EYS: variants seen among roughly 807,000 people sequenced by gnomAD.
The protein encoded by EYS is protein eyes shut homolog.
A neutral mutation model predicts 282.1 loss-of-function variants in EYS; 250 were observed. The ratio of observed to expected loss-of-function variants is 0.89; its 90% CI spans 0.80 to 0.98. The LOEUF (loss-of-function observed/expected upper bound fraction) is 0.98. EYS is among the 50% of genes least tolerant of loss of function. The pLI is 0.00. For synonymous variants in EYS, 1,355 were observed against 1,282.9 expected, an observed-to-expected ratio of 1.06 and a Z score of -1.20; for missense variants, 4,016 against 3,709.0, an observed-to-expected ratio of 1.08 and a Z score of -2.15.
intron 12 of EYS, among the ~76,000 whole-genome samples, chr6:65,091,778 A>G (rs1188417359): frequency 6.6e-6 from 1 of 152,082 alleles, no homozygotes; most frequent in African/African-American, 2.4e-5. Flanking sequence ...CCCATGCACT[A>G]CATAATTACA....
At chr6:64,374,245 G>A (rs1360482656) in intron 29 of EYS, among the ~76,000 whole-genome samples, 3 of 150,094 alleles carry the variant, frequency 2.0e-5, no homozygotes, top group Non-Finnish European at 3.0e-5. Flanking sequence ...AGGGCCTGGG[G>A]GTTGGAGCAA....
At position 64,639,196 on chromosome 6, in the gene EYS, A is replaced by G. The variant is rs150200274; in HGVS notation, c.3444-12951T>C. Among the ~76,000 whole-genome samples the G allele has an allele frequency of 4.5e-5, 4 of 89,484 alleles. 1 individual carries two copies. The highest frequency in any genetic ancestry group is 3.6e-4 in the Admixed American group (3 of 8,358). 58.7% of individuals were successfully genotyped at this position (89,484 alleles called of 152,430 possible). A position where few individuals can be genotyped will look rare whatever the true frequency, so the allele number is the denominator to read the frequency against. Reference sequence around the variant, plus strand: ...TTTATAAGGACACCAGCCATGTTAGATTGAGGCCCACCTTCATGACCTCAT... The same window carrying G: ...TTTATAAGGACACCAGCCATGTTAGGTTGAGGCCCACCTTCATGACCTCAT... On this transcript the variant is annotated intron_variant, in intron 22 of 42. Transcript: ENST00000503581.
intron 15 of EYS, among the ~76,000 whole-genome samples, chr6:64,921,090 T>TA (rs1384700388): frequency 2.0e-5 from 3 of 152,156 alleles, no homozygotes; most frequent in African/African-American, 7.2e-5. Flanking sequence ...GGCATTATAA[T>TA]AAATGCTATA....
At chr6:63,820,198 T>A (rs1310480942) in intron 36 of EYS, among the ~76,000 whole-genome samples, 2 of 152,236 alleles carry the variant, frequency 1.3e-5, no homozygotes, top group Non-Finnish European at 2.9e-5. Flanking sequence ...TTTGTCCAGT[T>A]ATTACTTTAA....
intron 12 of EYS, among the ~76,000 whole-genome samples, chr6:65,134,560 C>T (rs566078805): frequency 3.3e-5 from 5 of 151,938 alleles, no homozygotes; most frequent in Non-Finnish European, 5.9e-5. Context: ...AACTCTTGGC[C>T]GCAAAGAGGA....
chr6:64,377,183 C>G (rs11965990), intron 29 of EYS, among the ~76,000 whole-genome samples: 1 of 151,920 alleles, frequency 6.6e-6, no homozygotes. Flanking sequence ...CAGCTCTTAT[C>G]TCATTGAAAA....
chr6:65,394,891 C>T (rs1272501911), intron 7 of EYS, among the ~76,000 whole-genome samples: 1 of 152,138 alleles, frequency 6.6e-6, no homozygotes, highest in Non-Finnish European at 1.5e-5. Flanking sequence ...CATGTCCCGT[C>T]CTCTTCCTTA....
At chr6:64,098,428 T>C (rs1772708579) in intron 31 of EYS, among the ~76,000 whole-genome samples, 1 of 152,112 alleles carries the variant, frequency 6.6e-6, no homozygotes, top group African/African-American at 2.4e-5. Context: ...CTGCATTTGT[T>C]ATTTACATAA....
chr6:63,990,793 A>G (rs1767570235), intron 34 of EYS, among the ~76,000 whole-genome samples: 1 of 151,500 alleles, frequency 6.6e-6, no homozygotes, highest in Non-Finnish European at 1.5e-5. Flanking sequence ...CTTACTCTCA[A>G]TATCTGGGGA....
At chr6:64,018,768 T>TTTG (rs1769022529) in intron 33 of EYS, among the ~76,000 whole-genome samples, 1 of 113,700 alleles carries the variant, frequency 8.8e-6, no homozygotes, top group African/African-American at 3.8e-5. Context: ...TGTTTTTTTT[T>TTTG]TTTTTTTTTT....
At chr6:64,642,040 A>G (rs992634715) in intron 22 of EYS, among the ~76,000 whole-genome samples, 42 of 152,214 alleles carry the variant, frequency 2.8e-4, no homozygotes, top group Non-Finnish European at 1.8e-4. Flanking sequence ...GTCCACAAAA[A>G]GAACAATGTA....
At chr6:64,114,990 T>C (rs77311748) in intron 31 of EYS, among the ~76,000 whole-genome samples, 7,958 of 152,170 alleles carry the variant, frequency 0.052, 638 homozygotes, top group African/African-American at 0.17. Flanking sequence ...GCCTTGATCA[T>C]TGGAGCCACT....
chr6:65,279,949 T>C (rs1203296437), intron 12 of EYS, among the ~76,000 whole-genome samples: 2 of 152,192 alleles, frequency 1.3e-5, no homozygotes, highest in South Asian at 4.1e-4. Context: ...AATCTCTGAA[T>C]AATGAATACC....
At chr6:63,753,128 A>ATG (rs1168159191) in intron 41 of EYS, among the ~76,000 whole-genome samples, 1,170 of 96,138 alleles carry the variant, frequency 0.012, 13 homozygotes, top group Non-Finnish European at 0.016. Context: ...ATGTGTGTGT[A>ATG]TGTGTGTGTG....
chr6:64,094,364 G>A (rs1772499911), intron 31 of EYS, among the ~76,000 whole-genome samples: 1 of 152,062 alleles, frequency 6.6e-6, no homozygotes, highest in Non-Finnish European at 1.5e-5. Flanking sequence ...GGTAGAATTT[G>A]GCTGTGAATC....
chr6:65,636,062 T>C (rs1294002717), intron 2 of EYS, among the ~76,000 whole-genome samples: 2 of 152,216 alleles, frequency 1.3e-5, no homozygotes, highest in South Asian at 4.1e-4. Context: ...AATGCCATGG[T>C]CTTTATTTAT....
At chr6:64,547,505 G>A (rs1764917663) in intron 26 of EYS, among the ~76,000 whole-genome samples, 1 of 152,168 alleles carries the variant, frequency 6.6e-6, no homozygotes, top group Non-Finnish European at 1.5e-5. Context: ...GTGTCGATTG[G>A]TGCATTCACA....
At chr6:63,912,215 C>G (rs973144198) in intron 35 of EYS, among the ~76,000 whole-genome samples, 2 of 152,216 alleles carry the variant, frequency 1.3e-5, no homozygotes, top group African/African-American at 2.4e-5. Flanking sequence ...AGTGAAGCAT[C>G]CTTTTTGTCG....
At position 64,638,503 on chromosome 6, in the gene EYS, G is replaced by A. The variant is rs1768042612; in HGVS notation, c.3444-12258C>T. On this transcript the variant is annotated intron_variant, in intron 22 of 42. Coordinates refer to ENST00000503581, the MANE Select transcript of EYS (RefSeq NM_001142800.2). Reference sequence around the variant, plus strand: ...CATCTAGTTACCTCCACAACATAAAGCTCCTGTCTTAGTTCAGTCCATCTT... The same window carrying A: ...CATCTAGTTACCTCCACAACATAAAACTCCTGTCTTAGTTCAGTCCATCTT... Among the ~76,000 whole-genome samples, 2 of 91,420 alleles carry A rather than the reference G, an allele frequency of 2.2e-5. 1 individual carries two copies. Among genetic ancestry groups the A allele is most frequent in the Non-Finnish European group, 4.7e-5 (2 of 42,228 alleles). 60.0% of individuals were successfully genotyped at this position (91,420 alleles called of 152,430 possible).
Sources: gnomAD v4.1 joint callset for allele counts (sites outside exome capture counted in the v4.1 genomes callset) on GRCh38, gnomAD v4.1.1 for gene constraint, MANE v1.5 for transcripts, NCBI Gene and HGNC (gene_info 2026-07-23, HGNC 2026-07-21) for gene names.